The following FNDC3A variants were observed in gnomAD, a reference collection of about 807,000 sequenced individuals.
FNDC3A encodes fibronectin type-III domain-containing protein 3A.
FNDC3A carries 32 observed loss-of-function variants against 148.9 expected under a neutral mutation model. The observed-to-expected ratio is 0.21, with a 90% CI of 0.16 to 0.29. FNDC3A has a LOEUF of 0.29. Ranked by LOEUF, FNDC3A falls within the 10% of genes least tolerant of loss-of-function variation. FNDC3A has a pLI of 1.00. For missense variants in FNDC3A, 1,191 were observed against 1,452.8 expected (o/e 0.82, Z 2.93); for synonymous variants, 472 against 473.6 (o/e 1.00, Z 0.04).
chr13:49,194,687 G>T (rs983218131), intron 19 of FNDC3A, among the ~76,000 whole-genome samples: 2 of 152,118 alleles, frequency 1.3e-5, no homozygotes, highest in African/African-American at 4.8e-5. Flanking sequence ...GTGTTGAGCA[G>T]TGCAAATATT....
chr13:49,127,243 T>C (rs1013415499), intron 4 of FNDC3A, among the ~76,000 whole-genome samples: 1 of 152,238 alleles, frequency 6.6e-6, no homozygotes, highest in Non-Finnish European at 1.5e-5. Flanking sequence ...TTATTTTCAT[T>C]AGTATCTTGA....
intron 1 of FNDC3A, among the ~76,000 whole-genome samples, chr13:48,990,002 C>T (rs185499921): frequency 7.2e-5 from 11 of 151,968 alleles, no homozygotes; most frequent in African/African-American, 2.4e-4. Context: ...CGCCCACCTT[C>T]GCCTCCCAAA....
intron 2 of FNDC3A, among the ~76,000 whole-genome samples, chr13:49,053,049 C>G (rs973558967): frequency 6.6e-6 from 1 of 152,210 alleles, no homozygotes; most frequent in Non-Finnish European, 1.5e-5. Context: ...GGCCGCAGTC[C>G]TGAAGGCCAG....
intron 3 of FNDC3A, among the ~76,000 whole-genome samples, chr13:49,092,760 T>TA (rs762322245): frequency 0.021 from 3,045 of 142,318 alleles, 90 homozygotes; most frequent in African/African-American, 0.066. Context: ...ACTCCAATGT[T>TA]AAAAAAAAAA....
chr13:49,167,747 G>T (rs935426885), intron 9 of FNDC3A, among the ~76,000 whole-genome samples: 1 of 150,930 alleles, frequency 6.6e-6, no homozygotes, highest in Admixed American at 6.6e-5. Context: ...TTTTCTATTG[G>T]TAAAATTATC....
At chr13:49,054,299 G>T (rs1876066799) in intron 2 of FNDC3A, among the ~76,000 whole-genome samples, 1 of 152,142 alleles carries the variant, frequency 6.6e-6, no homozygotes, top group Admixed American at 6.5e-5. Flanking sequence ...TATACAACCT[G>T]TAGTATATTA....
chr13:49,158,295 T>C (rs886281751), intron 8 of FNDC3A, among the ~76,000 whole-genome samples: 2 of 152,214 alleles, frequency 1.3e-5, no homozygotes, highest in African/African-American at 2.4e-5. Context: ...CAGGTGCGTC[T>C]GTCACCCCTT....
intron 19 of FNDC3A, among the ~76,000 whole-genome samples, chr13:49,193,481 C>T (rs1885993957): frequency 6.6e-6 from 1 of 152,140 alleles, no homozygotes; most frequent in East Asian, 1.9e-4. Flanking sequence ...AGGTTGGTCT[C>T]AAACTCTCGG....
intron 18 of FNDC3A, 27 bp downstream of exon 18, chr13:49,191,147 T>C (rs1885863738): frequency 6.2e-7 from 1 of 1,605,484 alleles, no homozygotes; most frequent in Middle Eastern, 1.7e-4. Context: ...TAATAAATTA[T>C]AATTAAGCTA....
chr13:49,130,126 T>G (rs986865078), intron 4 of FNDC3A, among the ~76,000 whole-genome samples: 4 of 152,112 alleles, frequency 2.6e-5, no homozygotes, highest in Non-Finnish European at 2.9e-5. Context: ...TTTTTTAGGG[T>G]TTCCTGTGTG....
chr13:49,015,536 C>T (rs1593472946), intron 2 of FNDC3A, among the ~76,000 whole-genome samples: 2 of 152,216 alleles, frequency 1.3e-5, no homozygotes, highest in Non-Finnish European at 2.9e-5. Context: ...ACAATCATGT[C>T]GTCTGCAAAC....
At chr13:49,113,159 A>C (rs1880688531) in intron 3 of FNDC3A, among the ~76,000 whole-genome samples, 1 of 138,200 alleles carries the variant, frequency 7.2e-6, no homozygotes, top group African/African-American at 2.8e-5. Context: ...ACTCTCCTTT[A>C]CTGCCTCTTG....
intron 3 of FNDC3A, among the ~76,000 whole-genome samples, chr13:49,083,758 T>G (rs992801970): frequency 6.6e-6 from 1 of 152,230 alleles, no homozygotes; most frequent in African/African-American, 2.4e-5. Context: ...AGAACAGCTA[T>G]GGCTGTATAA....
At chr13:49,159,944 A>T (rs1479434698) in intron 8 of FNDC3A, among the ~76,000 whole-genome samples, 1 of 152,256 alleles carries the variant, frequency 6.6e-6, no homozygotes, top group Non-Finnish European at 1.5e-5. Flanking sequence ...ACGTTGAACA[A>T]GCCTTGCATC....
At chr13:49,028,067 G>A (rs958401785) in intron 2 of FNDC3A, among the ~76,000 whole-genome samples, 3 of 151,872 alleles carry the variant, frequency 2.0e-5, no homozygotes, top group African/African-American at 7.3e-5. Flanking sequence ...ACAAAAATTA[G>A]CCAGGTGTCT....
chr13:49,203,104 T>C, intron 24 of FNDC3A, 53 bp from the exon 25 acceptor site: 1 of 1,220,530 alleles, frequency 8.2e-7, no homozygotes, highest in Non-Finnish European at 1.2e-6. Context: ...CTGCATGATG[T>C]ACCAAATTAA....
At chr13:49,191,605 T>C (rs777193758) in intron 19 of FNDC3A, among the ~76,000 whole-genome samples, 1 of 152,220 alleles carries the variant, frequency 6.6e-6, no homozygotes, top group East Asian at 1.9e-4. Flanking sequence ...TTACAGTTTG[T>C]GACACTTTGG....
At chr13:49,152,853 A>G (rs1254506313) in intron 8 of FNDC3A, among the ~76,000 whole-genome samples, 2 of 151,134 alleles carry the variant, frequency 1.3e-5, no homozygotes, top group African/African-American at 2.4e-5. Flanking sequence ...TGAACTCATC[A>G]TTTTTTATGG....
chr13:49,135,301 C>T (rs999860453), intron 5 of FNDC3A, among the ~76,000 whole-genome samples: 1 of 151,984 alleles, frequency 6.6e-6, no homozygotes, highest in Non-Finnish European at 1.5e-5. Context: ...GATTTCCTCC[C>T]TTGTTGTTTT....
Sources: gnomAD v4.1 joint callset for allele counts (sites outside exome capture counted in the v4.1 genomes callset) on GRCh38, gnomAD v4.1.1 for gene constraint, MANE v1.5 for transcripts, NCBI Gene and HGNC (gene_info 2026-07-23, HGNC 2026-07-21) for gene names.